The following TAF3 variants were observed in gnomAD, a reference collection of about 807,000 sequenced individuals.
The protein encoded by TAF3 is TATA-box binding protein associated factor 3.
In TAF3, 7 loss-of-function variants were observed where a neutral mutation model predicts 80.6. That is an observed-to-expected ratio of 0.09 (90% CI 0.05 to 0.16). The LOEUF is 0.16. TAF3 is among the 10% of genes least tolerant of loss of function. The probability of loss-of-function intolerance (pLI) is 1.00; values close to 1 mark genes in which losing one functional copy is unlikely to be tolerated. For missense variants in TAF3, 921 were observed against 1,140.2 expected, an observed-to-expected ratio of 0.81 and a Z score of 2.77; for synonymous variants, 444 against 446.1, an observed-to-expected ratio of 1.00 and a Z score of 0.06.
rs1564373199 is a variant in TAF3 at position 7,965,483 on chromosome 10, CAAA to C, written c.1975_1977del (p.Lys659del). 17 of 1,609,156 alleles carry C rather than the reference CAAA, an allele frequency of 1.1e-5. No individual in the cohort carries two copies. The highest frequency in any genetic ancestry group is 1.3e-5 in the Non-Finnish European group (15 of 1,178,872). On this transcript the variant is annotated inframe_deletion, in exon 3 of 7. Coordinates refer to ENST00000344293, the MANE Select transcript of TAF3 (RefSeq NM_031923.4). ...CCAGCACCCCCACTGGTGTTGCCCCCAAAAGAGTTGGCCCTGCCCTTGTTCAGC... is the reference window on the plus strand; with the variant it reads ...CCAGCACCCCCACTGGTGTTGCCCCCAGAGTTGGCCCTGCCCTTGTTCAGC...
rs1391084939 is a variant in TAF3 at position 8,009,560 on chromosome 10, C to T, written c.2568+230C>T. On this transcript the variant is annotated intron_variant, in intron 5 of 6. Transcript: ENST00000344293. This position sits in a 1 kb window ranked among gnomAD's most constrained non-coding sequence, Gnocchi z 4.1. ...GGCCCAAGCGATCCTCCTGCATTAGCTTCTCAAAGTGGTGGGGTTACAGGC... is the reference window on the plus strand; with the variant it reads ...GGCCCAAGCGATCCTCCTGCATTAGTTTCTCAAAGTGGTGGGGTTACAGGC... Among the ~76,000 whole-genome samples, 1 of 152,096 alleles carries T rather than the reference C, an allele frequency of 6.6e-6. No individual in the cohort carries two copies. Among genetic ancestry groups the T allele is most frequent in the Non-Finnish European group, 1.5e-5 (1 of 68,012 alleles).
At chr10:7,952,838 A>G (rs574999235) in intron 2 of TAF3, among the ~76,000 whole-genome samples, 2 of 152,284 alleles carry the variant, frequency 1.3e-5, no homozygotes, top group Non-Finnish European at 2.9e-5. Flanking sequence ...ATACATACCC[A>G]CTTACACATG....
intron 4 of TAF3, among the ~76,000 whole-genome samples, chr10:7,996,644 G>A (rs1216689219): frequency 2.0e-5 from 3 of 151,700 alleles, no homozygotes; most frequent in African/African-American, 7.3e-5. Context: ...TTGTGAGGGG[G>A]GTTTTTTTTG....
At position 7,818,860 on chromosome 10, in the gene TAF3, C is replaced by A; in HGVS notation, c.151C>A (p.Arg51=). The change falls in exon 1 of 7, where the codon CGG becomes AGG. Residue 51 remains arginine, a synonymous_variant. Coordinates refer to ENST00000344293, the MANE Select transcript of TAF3 (RefSeq NM_031923.4). ...YLQQLGRGCH[R]YSELYGRTDP... Reference sequence around the variant, plus strand: ...GCAGCAGCTGGGCCGGGGCTGCCATCGGTACTCTGAGCTCTGTGAGTACCG... The same window carrying A: ...GCAGCAGCTGGGCCGGGGCTGCCATAGGTACTCTGAGCTCTGTGAGTACCG... The A allele has an allele frequency of 6.6e-7, 1 of 1,518,424 alleles. No individual in the cohort carries two copies. The allele number at this position is 1,518,424 out of a possible 1,614,324, so 94.1% of individuals were successfully genotyped here.
Position 8,014,961 on chromosome 10 carries a change from G to GTTTTTTTTTTAAT in TAF3, c.*210_*211insTTTTTTTTTTAAT. 1 of 439,842 alleles carries GTTTTTTTTTTAAT rather than the reference G, an allele frequency of 2.3e-6. No individual in the cohort carries two copies. The highest frequency in any genetic ancestry group is 4.1e-6 in the Non-Finnish European group (1 of 241,760). The allele number at this position is 439,842 out of a possible 1,614,324, so 27.2% of individuals were successfully genotyped here. The stretch of plus-strand genomic sequence containing the variant: ...GTGGCTCCGTGGCAGTGCGACAGAA[G>GTTTTTTTTTTAAT]GAAACTCAAGCAGAGGCGTGGCCTG... On this transcript the variant is annotated 3_prime_UTR_variant, in exon 7 of 7. Transcript: ENST00000344293.
At chr10:7,975,657 TC>T (rs1449306422) in intron 3 of TAF3, among the ~76,000 whole-genome samples, 1 of 152,198 alleles carries the variant, frequency 6.6e-6, no homozygotes, top group African/African-American at 2.4e-5. Context: ...CATGCAGGCA[TC>T]ATGCAAGGGA....
rs1836656466 is a variant in TAF3, at chr10:7,818,702, G to A, written c.-8G>A. On this transcript the variant is annotated 5_prime_UTR_variant, in exon 1 of 7. Coordinates refer to ENST00000344293, the MANE Select transcript of TAF3 (RefSeq NM_031923.4). ...CAGCAAGGGCTGCGGTGGCGTCCACGCAGCGGGATGTGCGAGAGTTACTCC... is the reference window on the plus strand; with the variant it reads ...CAGCAAGGGCTGCGGTGGCGTCCACACAGCGGGATGTGCGAGAGTTACTCC... 6.2e-7 allele frequency: 1 copy of A among 1,603,254 alleles called. No homozygotes were observed. The highest frequency in any genetic ancestry group is 1.7e-5 in the Admixed American group (1 of 58,714).
chr10:7,965,364 TAAG>T lies in TAF3; in HGVS notation c.1860_1862del (p.Lys621del), dbSNP rs938120901. 1.1e-5 allele frequency: 17 copies of T among 1,604,460 alleles called. No homozygotes were observed. Among genetic ancestry groups the T allele is most frequent in the Admixed American group, 1.7e-5 (1 of 57,762 alleles). Reference sequence around the variant, plus strand: ...GGAAGGAGAAAGAGAAGCATAAAGATAAGAAGAAAGATAGAGAGAAAGGCAAGA... The same window carrying T: ...GGAAGGAGAAAGAGAAGCATAAAGATAAGAAAGATAGAGAGAAAGGCAAGA... On this transcript the variant is annotated inframe_deletion, in exon 3 of 7. Transcript: ENST00000344293.
chr10:7,996,797 A>G (rs1409441224), intron 4 of TAF3, among the ~76,000 whole-genome samples: 1 of 150,958 alleles, frequency 6.6e-6, no homozygotes, highest in Admixed American at 6.6e-5. Flanking sequence ...CTCCCTTCTC[A>G]GTCTCCTAAG....
At chr10:7,855,955 G>A (rs904241904) in intron 2 of TAF3, among the ~76,000 whole-genome samples, 6 of 151,030 alleles carry the variant, frequency 4.0e-5, no homozygotes, top group African/African-American at 1.5e-4. Flanking sequence ...AAAAAAATAA[G>A]CGTAATAGTT....
At chr10:8,006,179 T>TACACACACAC (rs59502450) in intron 4 of TAF3, among the ~76,000 whole-genome samples, 190 of 134,674 alleles carry the variant, frequency 1.4e-3, no homozygotes, top group African/African-American at 3.0e-3. Context: ...AAAAAAAAAA[T>TACACACACAC]ACACACACAC....
intron 4 of TAF3, among the ~76,000 whole-genome samples, chr10:7,990,457 A>G (rs1291985894): frequency 2.0e-5 from 3 of 152,342 alleles, no homozygotes; most frequent in East Asian, 3.9e-4. Flanking sequence ...GCTGCCTTCA[A>G]AGTACGTGGT....
intron 2 of TAF3, among the ~76,000 whole-genome samples, chr10:7,869,348 A>G (rs984321847): frequency 6.6e-6 from 1 of 152,158 alleles, no homozygotes; most frequent in Non-Finnish European, 1.5e-5. Context: ...ACATACGTAC[A>G]TAGATGTTGA....
chr10:7,940,826 A>G (rs1435965728), intron 2 of TAF3, among the ~76,000 whole-genome samples: 1 of 151,830 alleles, frequency 6.6e-6, no homozygotes, highest in Non-Finnish European at 1.5e-5. Flanking sequence ...GCTGGGTATG[A>G]TGGTGCATGG....
intron 4 of TAF3, among the ~76,000 whole-genome samples, chr10:8,007,834 A>G (rs1832011733): frequency 6.6e-6 from 1 of 151,682 alleles, no homozygotes; most frequent in Non-Finnish European, 1.5e-5. Flanking sequence ...TAGGTCCTCA[A>G]TAAATAGTGC....
At chr10:7,944,890 A>T (rs892601469) in intron 2 of TAF3, among the ~76,000 whole-genome samples, 3 of 152,122 alleles carry the variant, frequency 2.0e-5, no homozygotes, top group African/African-American at 7.2e-5. Context: ...GTCTTGAGAT[A>T]TTTTTTTCCA....
intron 2 of TAF3, among the ~76,000 whole-genome samples, chr10:7,863,718 T>TACACATATATATATACAC (rs1837179035): frequency 1.9e-5 from 1 of 52,558 alleles, no homozygotes; most frequent in Non-Finnish European, 4.0e-5. Flanking sequence ...CATATATATA[T>TACACATATATATATACAC]ACACATATAT....
At chr10:7,967,913 A>T (rs1174399866) in intron 3 of TAF3, among the ~76,000 whole-genome samples, 1 of 152,186 alleles carries the variant, frequency 6.6e-6, no homozygotes, top group African/African-American at 2.4e-5. Flanking sequence ...CCTTGATACA[A>T]ATAGGAAAGG....
intron 2 of TAF3, among the ~76,000 whole-genome samples, chr10:7,903,440 A>G (rs1313644208): frequency 5.3e-5 from 8 of 152,344 alleles, no homozygotes; most frequent in African/African-American, 1.9e-4. Context: ...TTCTCCAGGA[A>G]GCTCACCTCC....
Sources: gnomAD v4.1 joint callset for allele counts (sites outside exome capture counted in the v4.1 genomes callset) on GRCh38, gnomAD v4.1.1 for gene constraint, Gnocchi (gnomAD v3.1) non-coding constraint, MANE v1.5 for transcripts, NCBI Gene and HGNC (gene_info 2026-07-23, HGNC 2026-07-21) for gene names.